DAB1: variants seen among roughly 807,000 people sequenced by gnomAD.
DAB1 encodes the protein DAB adaptor protein 1, also known as disabled homolog 1.
A neutral mutation model predicts 64.6 loss-of-function variants in DAB1; 15 were observed. The observed-to-expected ratio is 0.23, with a 90% CI of 0.16 to 0.36. The LOEUF is 0.36. Among genes scored for constraint, DAB1 ranks in the 10% least tolerant of loss-of-function variants. DAB1 has a pLI of 1.00. For synonymous variants in DAB1, 235 were observed against 251.9 expected, an observed-to-expected ratio of 0.93 and a Z score of 0.64; for missense variants, 596 against 706.7, an observed-to-expected ratio of 0.84 and a Z score of 1.78.
At chr1:57,931,743 CCA>C (rs770024623) in intron 5 of DAB1, among the ~76,000 whole-genome samples, 4 of 152,046 alleles carry the variant, frequency 2.6e-5, no homozygotes, top group Non-Finnish European at 4.4e-5. Flanking sequence ...TGTCTTTTTT[CCA>C]CAGTTAGCCT....
chr1:57,588,029 T>A (rs1441031444), intron 7 of DAB1, among the ~76,000 whole-genome samples: 1 of 152,222 alleles, frequency 6.6e-6, no homozygotes, highest in African/African-American at 2.4e-5. Context: ...AATTCTAAAG[T>A]CTTTCTCTGT....
At chr1:58,253,315 C>G (rs1010317759) in intron 4 of DAB1, among the ~76,000 whole-genome samples, 1 of 152,188 alleles carries the variant, frequency 6.6e-6, no homozygotes, top group Non-Finnish European at 1.5e-5. Context: ...CCAACCCCAC[C>G]ACCACTGGCA....
chr1:57,891,080 C>T (rs1644306056), intron 5 of DAB1, among the ~76,000 whole-genome samples: 2 of 152,102 alleles, frequency 1.3e-5, no homozygotes, highest in African/African-American at 4.8e-5. Flanking sequence ...AACAGGCAAC[C>T]TACAGAATGG....
intron 3 of DAB1, among the ~76,000 whole-genome samples, chr1:58,378,994 C>G (rs1341423692): frequency 9.6e-5 from 14 of 145,960 alleles, no homozygotes; most frequent in African/African-American, 2.6e-4. Context: ...ACTCCCTGAC[C>G]CCTTGCGCTT....
At chr1:57,852,548 C>T (rs967645382) in intron 1 of DAB1, among the ~76,000 whole-genome samples, 2 of 151,950 alleles carry the variant, frequency 1.3e-5, no homozygotes, top group African/African-American at 4.8e-5. Flanking sequence ...GATGGCCAAC[C>T]ATGGACCTCA....
At chr1:57,872,095 T>C (rs1017986946) in intron 1 of DAB1, among the ~76,000 whole-genome samples, 29 of 152,176 alleles carry the variant, frequency 1.9e-4, no homozygotes, top group Non-Finnish European at 3.5e-4. Context: ...AATGAAATGC[T>C]TATCAGAATG....
intron 7 of DAB1, among the ~76,000 whole-genome samples, chr1:57,548,790 G>A (rs1644883089): frequency 1.3e-5 from 2 of 152,100 alleles, no homozygotes; most frequent in Admixed American, 1.3e-4. Context: ...CTTAATACAT[G>A]GAGGTTTTCT....
upstream of DAB1, among the ~76,000 whole-genome samples, chr1:57,426,759 A>G (rs1397915912): frequency 6.6e-6 from 1 of 152,126 alleles, no homozygotes; most frequent in African/African-American, 2.4e-5. Context: ...AGCTTCATTC[A>G]TCTTTAACAA....
chr1:58,081,753 A>G (rs1650010611), intron 5 of DAB1, among the ~76,000 whole-genome samples: 1 of 152,244 alleles, frequency 6.6e-6, no homozygotes, highest in Non-Finnish European at 1.5e-5. Context: ...AAGATGTAGT[A>G]TAGTAATCTC....
At chr1:57,254,660 G>C (rs1023031384) in intron 2 of DAB1, among the ~76,000 whole-genome samples, 2 of 152,054 alleles carry the variant, frequency 1.3e-5, no homozygotes, top group African/African-American at 4.8e-5. Context: ...ATGTTGGTTG[G>C]CTCCAGTAAC....
intron 6 of DAB1, among the ~76,000 whole-genome samples, chr1:57,661,162 T>G (rs1368262383): frequency 6.6e-6 from 1 of 152,024 alleles, no homozygotes; most frequent in African/African-American, 2.4e-5. Context: ...AGAAATTTTC[T>G]CACTGTGTCT....
intron 3 of DAB1, chr1:58,473,712 T>A: frequency 5.0e-6 from 2 of 398,490 alleles, no homozygotes; most frequent in South Asian, 4.3e-5. Flanking sequence ...ATTATTGCTC[T>A]TGTTACTGCT....
At chr1:58,543,985 T>C (rs1452894827) in intron 1 of DAB1, among the ~76,000 whole-genome samples, 1 of 152,204 alleles carries the variant, frequency 6.6e-6, no homozygotes, top group East Asian at 1.9e-4. Context: ...GTGTCTACTG[T>C]ATCGCACAGT....
intron 6 of DAB1, among the ~76,000 whole-genome samples, chr1:57,781,112 CTCTCTCTCTCTCTCTATATATATATA>C (rs1461617463): frequency 2.1e-3 from 132 of 62,590 alleles, no homozygotes; most frequent in African/African-American, 6.6e-3. Flanking sequence ...CTCTCTCTCT[CTCTCTCTCTCTCTCTATATATATATA>C]TATATATATA....
chr1:58,232,753 G>A (rs1319297933), intron 4 of DAB1, among the ~76,000 whole-genome samples: 1 of 152,082 alleles, frequency 6.6e-6, no homozygotes, highest in Non-Finnish European at 1.5e-5. Context: ...GAGTGACAAG[G>A]GACAGTGGTG....
chr1:57,997,483 T>A (rs1470817361), intron 5 of DAB1, among the ~76,000 whole-genome samples: 2 of 152,178 alleles, frequency 1.3e-5, no homozygotes, highest in African/African-American at 4.8e-5. Flanking sequence ...GCTCTTAAAC[T>A]TGTCTTGGTC....
intron 5 of DAB1, among the ~76,000 whole-genome samples, chr1:58,098,727 C>A (rs1651135529): frequency 6.6e-6 from 1 of 152,124 alleles, no homozygotes; most frequent in Non-Finnish European, 1.5e-5. Flanking sequence ...AATTCAGACA[C>A]AAACATGTAC....
intron 4 of DAB1, among the ~76,000 whole-genome samples, chr1:58,176,236 A>G (rs748665997): frequency 1.3e-4 from 20 of 152,222 alleles, no homozygotes; most frequent in Non-Finnish European, 2.6e-4. Flanking sequence ...GCTCACTTAG[A>G]CTATATGCAT....
At chr1:58,142,192 C>T (rs1057184637) in intron 5 of DAB1, among the ~76,000 whole-genome samples, 2 of 152,184 alleles carry the variant, frequency 1.3e-5, no homozygotes, top group African/African-American at 2.4e-5. Flanking sequence ...CTGCCTCAGT[C>T]TCTCCGGCCA....
Sources: gnomAD v4.1 joint callset for allele counts (sites outside exome capture counted in the v4.1 genomes callset) on GRCh38, gnomAD v4.1.1 for gene constraint, MANE v1.5 for transcripts, NCBI Gene and HGNC (gene_info 2026-07-23, HGNC 2026-07-21) for gene names.